The following CCDC138 variants were observed in gnomAD, a reference collection of about 807,000 sequenced individuals.
CCDC138 encodes coiled-coil domain-containing protein 138.
A neutral mutation model predicts 82.3 loss-of-function variants in CCDC138; 66 were observed. That is an observed-to-expected ratio of 0.80 (90% CI 0.66 to 0.98). CCDC138 has a LOEUF of 0.98. Among genes scored for constraint, CCDC138 ranks in the 50% least tolerant of loss-of-function variants. CCDC138 has a pLI of 0.00. For synonymous variants in CCDC138, 297 were observed against 265.4 expected, an observed-to-expected ratio of 1.12 and a Z score of -1.16; for missense variants, 816 against 758.9, an observed-to-expected ratio of 1.08 and a Z score of -0.88.
At chr2:108,839,569 A>G (rs1689120903) in intron 11 of CCDC138, among the ~76,000 whole-genome samples, 1 of 152,118 alleles carries the variant, frequency 6.6e-6, no homozygotes, top group South Asian at 2.1e-4. Context: ...AGTGTTGCAT[A>G]GTTTTCAGCA....
In CCDC138 at chr2:108,804,883, T is replaced by G. The variant is rs978785088; in HGVS notation, c.736-6T>G. 6.6e-7 allele frequency: 1 copy of G among 1,521,900 alleles called. No individual in the cohort carries two copies. The highest frequency in any genetic ancestry group is 8.8e-7 in the Non-Finnish European group (1 of 1,142,818). 94.3% of individuals were successfully genotyped at this position (1,521,900 alleles called of 1,614,324 possible). ...TTAGATGAGAGTTTTTTTTTTCTCCTCCTAGCAGCATGATGCAGAAGTTGA... is the reference window on the plus strand; with the variant it reads ...TTAGATGAGAGTTTTTTTTTTCTCCGCCTAGCAGCATGATGCAGAAGTTGA... On this transcript the variant is annotated splice_polypyrimidine_tract_variant and splice_region_variant and intron_variant, in intron 6 of 14. Transcript: ENST00000295124.
chr2:108,830,631 ACT>A (rs1305627469), intron 10 of CCDC138, among the ~76,000 whole-genome samples: 1 of 150,712 alleles, frequency 6.6e-6, no homozygotes, highest in Non-Finnish European at 1.5e-5. Flanking sequence ...ATGTGGTGAA[ACT>A]CTGTCTCTAC....
At chr2:108,839,378 G>A (rs2150422644) in intron 11 of CCDC138, 77 bp downstream of exon 11, 1 of 1,199,054 alleles carries the variant, frequency 8.3e-7, no homozygotes, top group Non-Finnish European at 1.2e-6. Context: ...CACAATATCT[G>A]TTTTGAATAT....
chr2:108,845,571 A>ATT (rs11345346), intron 11 of CCDC138, among the ~76,000 whole-genome samples: 1 of 111,714 alleles, frequency 9.0e-6, no homozygotes. Context: ...CTTTCATTTG[A>ATT]TTTTTTTTTT....
chr2:108,828,871 G>A (rs921455277), intron 10 of CCDC138, among the ~76,000 whole-genome samples: 2 of 152,048 alleles, frequency 1.3e-5, no homozygotes, highest in African/African-American at 2.4e-5. Context: ...CCAGGTACTC[G>A]AGATGCTGAG....
intron 1 of CCDC138, 23 bp downstream of exon 1, chr2:108,786,938 G>C (rs776748678): frequency 6.8e-7 from 1 of 1,478,210 alleles, no homozygotes; most frequent in South Asian, 1.3e-5. Context: ...CCTGAGGTCC[G>C]CGGGTGGGCT....
chr2:108,848,824 A>G (rs957226464), intron 12 of CCDC138, among the ~76,000 whole-genome samples: 3 of 152,226 alleles, frequency 2.0e-5, no homozygotes, highest in African/African-American at 7.2e-5. Flanking sequence ...CCAGAAATGA[A>G]TCAAAATTGG....
intron 13 of CCDC138, among the ~76,000 whole-genome samples, chr2:108,860,530 C>G (rs1328126050): frequency 6.7e-6 from 1 of 149,786 alleles, no homozygotes; most frequent in Non-Finnish European, 1.5e-5. Flanking sequence ...TTTTTTTATC[C>G]TAAAGAGATG....
chr2:108,826,103 CTT>C (rs1395475748), intron 10 of CCDC138, among the ~76,000 whole-genome samples: 1 of 151,976 alleles, frequency 6.6e-6, no homozygotes, highest in Non-Finnish European at 1.5e-5. Context: ...ATTGAGTTAT[CTT>C]TTTTATTACT....
chr2:108,805,390 C>T (rs1682681846), intron 7 of CCDC138, among the ~76,000 whole-genome samples: 1 of 152,094 alleles, frequency 6.6e-6, no homozygotes, highest in Admixed American at 6.6e-5. Context: ...CTCATGTTCT[C>T]ATGGTTATAA....
chr2:108,876,116 A>G lies in CCDC138; in HGVS notation c.1861A>G (p.Thr621Ala). 1.9e-6 allele frequency: 3 copies of G among 1,602,528 alleles called. No individual in the cohort carries two copies. The highest frequency in any genetic ancestry group is 2.6e-6 in the Non-Finnish European group (3 of 1,170,030). Residue 621 changes from threonine (T) to alanine (A), a missense_variant, in exon 15 of 15, where the codon ACG becomes GCG. Thr to Ala is a moderately conservative substitution (Grantham distance 58, BLOSUM62 0). Coordinates refer to ENST00000295124, the MANE Select transcript of CCDC138 (RefSeq NM_144978.3). ...KSNKKLFELF[T>A]IHLMLQEIQR... ...TAATAAGAAGCTCTTTGAACTTTTT[A>G]CGATTCATCTGATGCTTCAAGAAAT...
chr2:108,853,900 T>TTATATAGTA (rs1558737179), intron 12 of CCDC138, among the ~76,000 whole-genome samples: 1 of 119,074 alleles, frequency 8.4e-6, no homozygotes, highest in African/African-American at 3.7e-5. Context: ...AGTATATATA[T>TTATATAGTA]TATATATTAT....
At chr2:108,870,801 A>G (rs192586690) in intron 13 of CCDC138, among the ~76,000 whole-genome samples, 191 of 152,304 alleles carry the variant, frequency 1.3e-3, no homozygotes, top group Admixed American at 6.3e-3. Flanking sequence ...GGTGATTGTC[A>G]GGTGTTGGGG....
In CCDC138 at chr2:108,871,961, C is replaced by A. The variant is rs377122087; in HGVS notation, c.1694-1490C>A. Among the ~76,000 whole-genome samples, 5 of 152,162 alleles carry A rather than the reference C, an allele frequency of 3.3e-5. No individual in the cohort carries two copies. In the East Asian group the frequency reaches 7.7e-4, roughly 24 times the overall value. ...TCCTTTTACTGTGGCTTCTCCAGGT[C>A]TTTTTTCTTAATTTTGAATGATCTT... On this transcript the variant is annotated intron_variant, in intron 13 of 14. Transcript: ENST00000295124.
rs1163469768 is a variant in CCDC138 at position 108,839,200 on chromosome 2, A to G, written c.1222A>G (p.Thr408Ala). Residue 408 changes from threonine to alanine, a missense_variant, in exon 11 of 15, where the codon ACA becomes GCA. Coordinates refer to ENST00000295124, the MANE Select transcript of CCDC138 (RefSeq NM_144978.3). ...TTATCTTTAGCTTTTGCCTCTAATG[A>G]CAGAGCAGCTACAGTGGATGCCATT... ...EKCVKLLPLM[T>A]EQLQWMPFVN... is the part of the protein sequence containing the mutation. The G allele has an allele frequency of 1.2e-6, 2 of 1,609,484 alleles. No individual in the cohort carries two copies. The highest frequency in any genetic ancestry group is 1.7e-6 in the Non-Finnish European group (2 of 1,177,776).
intron 9 of CCDC138, among the ~76,000 whole-genome samples, chr2:108,815,569 G>A (rs1000029304): frequency 6.9e-6 from 1 of 145,804 alleles, no homozygotes; most frequent in Non-Finnish European, 1.5e-5. Context: ...TGGTTCAGGT[G>A]ATTCTCCTCC....
At chr2:108,875,104 A>G in intron 14 of CCDC138, among the ~76,000 whole-genome samples, 1 of 151,982 alleles carries the variant, frequency 6.6e-6, no homozygotes, top group East Asian at 1.9e-4. Flanking sequence ...TTAAGACCAC[A>G]AAAGATGTAA....
At chr2:108,816,501 T>C (rs1684836602) in intron 10 of CCDC138, among the ~76,000 whole-genome samples, 1 of 152,088 alleles carries the variant, frequency 6.6e-6, no homozygotes. Context: ...GATGAGGCCC[T>C]TCTTCCTGGT....
intron 13 of CCDC138, among the ~76,000 whole-genome samples, chr2:108,871,947 T>G (rs1036264783): frequency 6.6e-6 from 1 of 152,218 alleles, no homozygotes; most frequent in Admixed American, 6.5e-5. Context: ...CCTTTTACTG[T>G]GGCTTCTCCA....
Sources: gnomAD v4.1 joint callset for allele counts (sites outside exome capture counted in the v4.1 genomes callset) on GRCh38, gnomAD v4.1.1 for gene constraint, MANE v1.5 for transcripts, NCBI Gene and HGNC (gene_info 2026-07-23, HGNC 2026-07-21) for gene names.